The following CELF4 variants were observed in gnomAD, a reference collection of about 807,000 sequenced individuals.
CELF4 encodes the protein CUG-BP- and ETR-3-like factor 4.
CELF4 carries 18 observed loss-of-function variants against 59.9 expected under a neutral mutation model. That is an observed-to-expected ratio of 0.30 (90% CI 0.21 to 0.45). The LOEUF (loss-of-function observed/expected upper bound fraction) is 0.45. CELF4 is among the 20% of genes least tolerant of loss of function. The probability of loss-of-function intolerance (pLI) is 1.00; values close to 1 mark genes in which losing one functional copy is unlikely to be tolerated. For synonymous variants in CELF4, 261 were observed against 267.1 expected (o/e 0.98, Z 0.22); for missense variants, 456 against 689.0 (o/e 0.66, Z 3.79).
intron 2 of CELF4, among the ~76,000 whole-genome samples, chr18:37,401,792 A>G (rs1189674636): frequency 6.6e-6 from 1 of 152,214 alleles, no homozygotes; most frequent in African/African-American, 2.4e-5. Flanking sequence ...AAGCATACTT[A>G]CACAGGGCTG....
chr18:37,295,857 C>T (rs778041021), intron 3 of CELF4, among the ~76,000 whole-genome samples: 9 of 152,196 alleles, frequency 5.9e-5, no homozygotes, highest in Non-Finnish European at 1.2e-4. Context: ...GGGGTCAGGG[C>T]CTGGGTTCAT....
intron 2 of CELF4, among the ~76,000 whole-genome samples, chr18:37,475,374 G>C (rs955467019): frequency 1.3e-5 from 2 of 152,208 alleles, no homozygotes; most frequent in African/African-American, 4.8e-5. Flanking sequence ...AGATGATCTA[G>C]AGTAAGCTCA....
chr18:37,407,524 G>T (rs796545622), intron 2 of CELF4, among the ~76,000 whole-genome samples: 53 of 152,054 alleles, frequency 3.5e-4, no homozygotes, highest in African/African-American at 1.3e-3. Flanking sequence ...CATGTGTACA[G>T]GTGTGTACAT....
chr18:37,442,680 G>A (rs1413183147), intron 2 of CELF4, among the ~76,000 whole-genome samples: 2 of 152,206 alleles, frequency 1.3e-5, no homozygotes, highest in Non-Finnish European at 2.9e-5. Context: ...AGATTGTGCT[G>A]TGCCTCGTCT....
At chr18:37,282,386 C>G (rs1329563561) in intron 3 of CELF4, among the ~76,000 whole-genome samples, 1 of 152,170 alleles carries the variant, frequency 6.6e-6, no homozygotes, top group Admixed American at 6.5e-5. Flanking sequence ...CCTAAAGGTA[C>G]TGAGCATCCC....
chr18:37,253,806 G>T lies in CELF4; in HGVS notation c.*5C>A, dbSNP rs1294588553. 9 of 1,594,742 alleles carry T rather than the reference G, an allele frequency of 5.6e-6. No homozygotes were observed. Among genetic ancestry groups the T allele is most frequent in the Non-Finnish European group, 7.7e-6 (9 of 1,170,590 alleles). ...GTCTCCCCCGGGGGACGCTCCCGCC[G>T]GCGCTCAGTACGGGCGATTGGCGTC... is the stretch of plus-strand genomic sequence containing the variant. On this transcript the variant is annotated 3_prime_UTR_variant, in exon 12 of 13. Coordinates refer to ENST00000420428, the MANE Select transcript of CELF4 (RefSeq NM_020180.4). This position sits in a 1 kb window ranked among gnomAD's most constrained non-coding sequence, Gnocchi z 4.5.
intron 2 of CELF4, among the ~76,000 whole-genome samples, chr18:37,335,053 G>A (rs2097716252): frequency 8.6e-6 from 1 of 115,636 alleles, no homozygotes; most frequent in Non-Finnish European, 1.7e-5. Context: ...TTGCTCTCCC[G>A]TTTTCTAACA....
At chr18:37,517,469 C>A (rs568296910) in intron 1 of CELF4, among the ~76,000 whole-genome samples, 1 of 152,250 alleles carries the variant, frequency 6.6e-6, no homozygotes, top group African/African-American at 2.4e-5. Context: ...GCTTCCCTAC[C>A]ACTCAGCCCA....
At chr18:37,324,093 C>A (rs1462682981) in intron 2 of CELF4, among the ~76,000 whole-genome samples, 1 of 152,156 alleles carries the variant, frequency 6.6e-6, no homozygotes, top group Non-Finnish European at 1.5e-5. Flanking sequence ...ACTCCCACCA[C>A]ACATCCTGGC....
chr18:37,527,074 C>G (rs112546206), intron 1 of CELF4, among the ~76,000 whole-genome samples: 2,755 of 152,114 alleles, frequency 0.018, 79 homozygotes, highest in African/African-American at 0.056. Flanking sequence ...TTAGCAGAAC[C>G]CTCAACCTAT....
chr18:37,256,371 T>C (rs1044920548), intron 11 of CELF4, among the ~76,000 whole-genome samples: 32 of 152,288 alleles, frequency 2.1e-4, no homozygotes, highest in Admixed American at 7.2e-4. Flanking sequence ...CACTTTAACA[T>C]AGGGCCACTT....
chr18:37,491,211 C>T (rs1457462835), intron 1 of CELF4, among the ~76,000 whole-genome samples: 1 of 150,518 alleles, frequency 6.6e-6, no homozygotes, highest in Admixed American at 6.6e-5. Flanking sequence ...AGAGGGACGC[C>T]GTGCCCACCT....
chr18:37,509,667 C>T (rs1196100930), intron 1 of CELF4, among the ~76,000 whole-genome samples: 1 of 152,154 alleles, frequency 6.6e-6, no homozygotes, highest in Non-Finnish European at 1.5e-5. Flanking sequence ...TAGGTATATG[C>T]CCCAAAGAAT....
At chr18:37,432,192 C>T (rs1318215964) in intron 2 of CELF4, among the ~76,000 whole-genome samples, 1 of 152,202 alleles carries the variant, frequency 6.6e-6, no homozygotes, top group Non-Finnish European at 1.5e-5. Flanking sequence ...CACTGATGGC[C>T]TCTGCCCCTC....
At chr18:37,559,766 T>C (rs1374316850) in intron 1 of CELF4, among the ~76,000 whole-genome samples, 1 of 152,164 alleles carries the variant, frequency 6.6e-6, no homozygotes, top group Non-Finnish European at 1.5e-5. Flanking sequence ...TCTTCCCTCC[T>C]GATATAGATG....
chr18:37,412,959 G>A (rs2099487000), intron 2 of CELF4, among the ~76,000 whole-genome samples: 1 of 152,100 alleles, frequency 6.6e-6, no homozygotes, highest in Non-Finnish European at 1.5e-5. Context: ...CTCACTGCCT[G>A]CTCATGGCTT....
At chr18:37,340,774 C>T (rs1383129467) in intron 2 of CELF4, among the ~76,000 whole-genome samples, 1 of 152,236 alleles carries the variant, frequency 6.6e-6, no homozygotes, top group Non-Finnish European at 1.5e-5. Flanking sequence ...GAATCACAGA[C>T]ACAGAGAAGA....
intron 2 of CELF4, among the ~76,000 whole-genome samples, chr18:37,464,018 C>A (rs796915613): frequency 1.2e-4 from 18 of 152,306 alleles, no homozygotes; most frequent in African/African-American, 4.1e-4. Flanking sequence ...CTCCTCCTGA[C>A]CCCGAACTCA....
chr18:37,260,029 T>G (rs2073303894), intron 10 of CELF4, among the ~76,000 whole-genome samples: 1 of 152,226 alleles, frequency 6.6e-6, no homozygotes, highest in Non-Finnish European at 1.5e-5. Context: ...GCACTTTACA[T>G]GTCTCTAACT....
Sources: gnomAD v4.1 joint callset for allele counts (sites outside exome capture counted in the v4.1 genomes callset) on GRCh38, gnomAD v4.1.1 for gene constraint, Gnocchi (gnomAD v3.1) non-coding constraint, MANE v1.5 for transcripts, NCBI Gene and HGNC (gene_info 2026-07-23, HGNC 2026-07-21) for gene names.